PCDH9: variants seen among roughly 807,000 people sequenced by gnomAD.
PCDH9 encodes protocadherin-9.
In PCDH9, 24 loss-of-function variants were observed where a neutral mutation model predicts 70.6. That is an observed-to-expected ratio of 0.34 (90% CI 0.25 to 0.48). PCDH9 has a LOEUF of 0.48. Among genes scored for constraint, PCDH9 ranks in the 20% least tolerant of loss-of-function variants. The pLI, the probability that PCDH9 is intolerant of heterozygous loss-of-function variation, is 0.99. For synonymous variants in PCDH9, 562 were observed against 558.5 expected (o/e 1.01, Z -0.09); for missense variants, 1,281 against 1,503.6 (o/e 0.85, Z 2.45).
chr13:67,002,193 T>C (rs1393258507), intron 2 of PCDH9, among the ~76,000 whole-genome samples: 1 of 152,126 alleles, frequency 6.6e-6, no homozygotes, highest in Non-Finnish European at 1.5e-5. Context: ...AGCAGAGTAA[T>C]TATGAAGAAA....
chr13:66,607,695 A>G (rs910131796), intron 4 of PCDH9, among the ~76,000 whole-genome samples: 1 of 152,142 alleles, frequency 6.6e-6, no homozygotes, highest in African/African-American at 2.4e-5. Context: ...ACAGAAAAAT[A>G]AATCCAAGAT....
At chr13:66,745,107 C>T (rs1271050132) in intron 3 of PCDH9, among the ~76,000 whole-genome samples, 1 of 152,090 alleles carries the variant, frequency 6.6e-6, no homozygotes, top group African/African-American at 2.4e-5. Context: ...AATAGCACCC[C>T]ACTCATAAGG....
chr13:66,330,766 G>T (rs1000350448), intron 4 of PCDH9, among the ~76,000 whole-genome samples: 1 of 152,220 alleles, frequency 6.6e-6, no homozygotes, highest in East Asian at 1.9e-4. Context: ...ATACAATTCT[G>T]CATAAAACAA....
At chr13:66,311,165 C>T (rs1414119154) in intron 4 of PCDH9, among the ~76,000 whole-genome samples, 6 of 152,096 alleles carry the variant, frequency 3.9e-5, no homozygotes, top group Non-Finnish European at 7.4e-5. Flanking sequence ...TTGATATGCT[C>T]AGCAAAATCT....
intron 2 of PCDH9, chr13:67,209,587 T>C (rs954455969): frequency 1.3e-5 from 2 of 152,146 alleles, no homozygotes; most frequent in Admixed American, 1.3e-4. Flanking sequence ...AAGGGTACAA[T>C]GCAGTAAGTA....
chr13:66,947,703 C>T (rs980081476), intron 2 of PCDH9, among the ~76,000 whole-genome samples: 13 of 152,058 alleles, frequency 8.5e-5, no homozygotes, highest in Non-Finnish European at 1.8e-4. Context: ...AGATAATTTT[C>T]TCAGAAATAA....
At chr13:67,216,094 T>G (rs2089593580) in intron 2 of PCDH9, 3 of 152,122 alleles carry the variant, frequency 2.0e-5, no homozygotes, top group Admixed American at 2.0e-4. Flanking sequence ...TAACAGATGG[T>G]CCTGCAAGAA....
intron 3 of PCDH9, among the ~76,000 whole-genome samples, chr13:66,884,230 T>G (rs1316570055): frequency 6.6e-6 from 1 of 152,138 alleles, no homozygotes; most frequent in Non-Finnish European, 1.5e-5. Flanking sequence ...ATTTCCCACC[T>G]ACTGAATTTC....
intron 2 of PCDH9, among the ~76,000 whole-genome samples, chr13:66,957,877 T>C (rs1357765658): frequency 1.3e-5 from 2 of 152,226 alleles, no homozygotes; most frequent in Non-Finnish European, 2.9e-5. Context: ...TTTTGGTATC[T>C]TGAGGTAACT....
chr13:66,518,880 G>A (rs929346096), intron 4 of PCDH9, among the ~76,000 whole-genome samples: 1 of 152,238 alleles, frequency 6.6e-6, no homozygotes, highest in East Asian at 1.9e-4. Flanking sequence ...AGGGCAAATT[G>A]CTTTATTGGA....
chr13:66,660,950 A>G (rs1355368024), intron 3 of PCDH9, among the ~76,000 whole-genome samples: 1 of 152,192 alleles, frequency 6.6e-6, no homozygotes, highest in Non-Finnish European at 1.5e-5. Flanking sequence ...TATTAGTAGT[A>G]CATTATAAAT....
chr13:66,368,137 AT>A (rs1290007587), intron 4 of PCDH9, among the ~76,000 whole-genome samples: 2 of 152,082 alleles, frequency 1.3e-5, no homozygotes, highest in Admixed American at 6.6e-5. Flanking sequence ...AGAAAGAAAA[AT>A]AGTGCATTTT....
At chr13:66,664,443 T>A (rs1383440587) in intron 3 of PCDH9, among the ~76,000 whole-genome samples, 1 of 29,668 alleles carries the variant, frequency 3.4e-5, no homozygotes, top group African/African-American at 1.9e-4. Context: ...AGCAATGGGC[T>A]TTTTTTTTTT....
At chr13:66,305,455 T>G (rs572589005) in intron 4 of PCDH9, among the ~76,000 whole-genome samples, 1 of 152,008 alleles carries the variant, frequency 6.6e-6, no homozygotes, top group African/African-American at 2.4e-5. Context: ...TATTAAAGAA[T>G]ATATAAATAA....
intron 2 of PCDH9, among the ~76,000 whole-genome samples, chr13:67,059,569 T>C (rs1350282264): frequency 6.6e-6 from 1 of 151,368 alleles, no homozygotes; most frequent in Admixed American, 6.6e-5. Context: ...AGAAGAAGTA[T>C]AGTCATGTGG....
chr13:66,973,246 G>T (rs1299068764), intron 2 of PCDH9, among the ~76,000 whole-genome samples: 1 of 151,926 alleles, frequency 6.6e-6, no homozygotes, highest in Non-Finnish European at 1.5e-5. Flanking sequence ...ATTCCCACCA[G>T]CCATATACTG....
At chr13:67,125,530 C>T (rs2086960142) in intron 2 of PCDH9, among the ~76,000 whole-genome samples, 1 of 152,052 alleles carries the variant, frequency 6.6e-6, no homozygotes, top group South Asian at 2.1e-4. Context: ...TAATTATGAA[C>T]ATGGTGTACA....
At chr13:66,426,542 A>G (rs1281042564) in intron 4 of PCDH9, among the ~76,000 whole-genome samples, 2 of 150,634 alleles carry the variant, frequency 1.3e-5, no homozygotes, top group Admixed American at 1.3e-4. Context: ...GCTATGTAAT[A>G]TTAGAAATTC....
chr13:66,402,842 A>G (rs1957211664), intron 4 of PCDH9, among the ~76,000 whole-genome samples: 2 of 152,244 alleles, frequency 1.3e-5, no homozygotes, highest in South Asian at 2.1e-4. Flanking sequence ...GATAATAAGC[A>G]AAAGTCAATG....
Sources: allele counts gnomAD v4.1 joint callset (sites outside exome capture counted in the v4.1 genomes callset), GRCh38; gene constraint gnomAD v4.1.1; transcripts MANE v1.5; gene names NCBI Gene and HGNC (gene_info 2026-07-23, HGNC 2026-07-21).